The following SESTD1 variants were observed in gnomAD, a reference collection of about 807,000 sequenced individuals.
SESTD1 encodes the protein SEC14 and spectrin domain containing 1.
Under a neutral mutation model 101.7 loss-of-function variants are expected in SESTD1, and 43 were observed. That is an observed-to-expected ratio of 0.42 (90% CI 0.33 to 0.55). The LOEUF (loss-of-function observed/expected upper bound fraction) is 0.55. SESTD1 is among the 20% of genes least tolerant of loss of function. The pLI, the probability that SESTD1 is intolerant of heterozygous loss-of-function variation, is 0.07. For synonymous variants in SESTD1, 283 were observed against 286.8 expected, an observed-to-expected ratio of 0.99 and a Z score of 0.13; for missense variants, 647 against 815.1, an observed-to-expected ratio of 0.79 and a Z score of 2.51.
At chr2:179,163,083 A>G (rs1335247084) in intron 5 of SESTD1, among the ~76,000 whole-genome samples, 1 of 152,134 alleles carries the variant, frequency 6.6e-6, no homozygotes, top group Non-Finnish European at 1.5e-5. Context: ...CTCAAAGTTT[A>G]TAACTTATGG....
At chr2:179,187,286 G>A (rs141257581) in intron 2 of SESTD1, among the ~76,000 whole-genome samples, 200 of 152,178 alleles carry the variant, frequency 1.3e-3, no homozygotes, top group African/African-American at 4.6e-3. Flanking sequence ...AATGTAAAAG[G>A]TCTAACACCC....
At chr2:179,226,910 A>C (rs538299235) in intron 1 of SESTD1, among the ~76,000 whole-genome samples, 1 of 152,234 alleles carries the variant, frequency 6.6e-6, no homozygotes, top group Non-Finnish European at 1.5e-5. Flanking sequence ...AGCAGAATAC[A>C]GAGGAAGCAG....
intron 8 of SESTD1, 33 bp downstream of exon 8, chr2:179,146,369 G>A: frequency 6.5e-7 from 1 of 1,545,228 alleles, no homozygotes; most frequent in Non-Finnish European, 8.9e-7. Flanking sequence ...TTGGTTTACT[G>A]GATTATTATC....
intron 1 of SESTD1, among the ~76,000 whole-genome samples, chr2:179,200,973 G>C (rs1279382028): frequency 7.5e-6 from 1 of 134,164 alleles, no homozygotes; most frequent in Non-Finnish European, 1.6e-5. Flanking sequence ...ACTACCATCA[G>C]AGTGAACAGG....
In SESTD1 at chr2:179,150,112, C is replaced by T. The variant is rs530049736; in HGVS notation, c.484-718G>A. On this transcript the variant is annotated intron_variant, in intron 6 of 17. Coordinates refer to ENST00000428443, the MANE Select transcript of SESTD1 (RefSeq NM_178123.5). ...TGGTGGCATGCACTTGCAGTCCCAA[C>T]GACTTGAGAGGCTGAGGTGGAAGGA... 6.6e-5 allele frequency among the ~76,000 whole-genome samples: 10 copies of T among 152,134 alleles called. No individual in the cohort carries two copies. The East Asian group carries it at 1.4e-3, about 21-fold the overall frequency.
chr2:179,208,030 G>C (rs2046610599), intron 1 of SESTD1, among the ~76,000 whole-genome samples: 1 of 134,168 alleles, frequency 7.5e-6, no homozygotes, highest in Non-Finnish European at 1.6e-5. Flanking sequence ...ATAAAGAAAA[G>C]ACAATCACAA....
intron 1 of SESTD1, among the ~76,000 whole-genome samples, chr2:179,192,315 T>C (rs2046330860): frequency 6.6e-6 from 1 of 152,220 alleles, no homozygotes; most frequent in African/African-American, 2.4e-5. Flanking sequence ...CACAGCTTAA[T>C]GCCAAATATC....
At position 179,211,460 on chromosome 2, in the gene SESTD1, C is replaced by T. The variant is rs561324199; in HGVS notation, c.-25-19594G>A. Among the ~76,000 whole-genome samples, 2 of 134,444 alleles carry T rather than the reference C, an allele frequency of 1.5e-5. 1 individual carries two copies. The highest frequency in any genetic ancestry group is 5.9e-5 in the African/African-American group (2 of 33,954). 88.2% of individuals were successfully genotyped at this position (134,444 alleles called of 152,430 possible). A position where few individuals can be genotyped will look rare whatever the true frequency, so the allele number is the denominator to read the frequency against. On this transcript the variant is annotated intron_variant, in intron 1 of 17. Coordinates refer to ENST00000428443, the MANE Select transcript of SESTD1 (RefSeq NM_178123.5). The stretch of plus-strand genomic sequence containing the variant: ...AAACCGCAGGGAACTAGTATAAAAA[C>T]TGGCACACAGACCAGTGGAACAAAA...
At chr2:179,138,452 A>C in intron 9 of SESTD1, among the ~76,000 whole-genome samples, 1 of 152,126 alleles carries the variant, frequency 6.6e-6, no homozygotes. Context: ...ACTACCCCAA[A>C]ATACAGCTAC....
At position 179,104,378 on chromosome 2, in the gene SESTD1, T is replaced by A. The variant is rs1158592011; in HGVS notation, c.*5521A>T. On this transcript the variant is annotated 3_prime_UTR_variant, in exon 18 of 18. Coordinates refer to ENST00000428443, the MANE Select transcript of SESTD1 (RefSeq NM_178123.5). Reference sequence around the variant, plus strand: ...ACATAAGAGTTAAGATGAGAAAACATTCCTAAGAGAAAAATCAAACATACA... The same window carrying A: ...ACATAAGAGTTAAGATGAGAAAACAATCCTAAGAGAAAAATCAAACATACA... The A allele has an allele frequency of 1.3e-5, 2 of 152,130 alleles. No individual in the cohort carries two copies. The highest frequency in any genetic ancestry group is 2.9e-5 in the Non-Finnish European group (2 of 68,022). 9.4% of individuals were successfully genotyped at this position (152,130 alleles called of 1,614,324 possible).
Position 179,149,662 on chromosome 2 carries a change from CTT to C in SESTD1, c.484-270_484-269del, listed in dbSNP as rs1309746539. ...TCATTCTCCATTCAGATACGTGTTT[CTT>C]TGAGAAACATTTGCATCGATAACAG... On this transcript the variant is annotated intron_variant, in intron 6 of 17. Coordinates refer to ENST00000428443, the MANE Select transcript of SESTD1 (RefSeq NM_178123.5). Among the ~76,000 whole-genome samples, 5 of 152,228 alleles carry C rather than the reference CTT, an allele frequency of 3.3e-5. No individual in the cohort carries two copies. The East Asian group carries it at 9.6e-4, about 29-fold the overall frequency.
intron 1 of SESTD1, among the ~76,000 whole-genome samples, chr2:179,240,494 C>T (rs1439702054): frequency 6.6e-6 from 1 of 152,150 alleles, no homozygotes; most frequent in Non-Finnish European, 1.5e-5. Context: ...CTTGAGTTTT[C>T]TTTTTGCCTA....
intron 2 of SESTD1, among the ~76,000 whole-genome samples, chr2:179,187,664 A>G (rs548697477): frequency 1.2e-4 from 18 of 152,220 alleles, no homozygotes; most frequent in African/African-American, 4.3e-4. Context: ...AGACCCATCC[A>G]TCTTCTGTCT....
chr2:179,242,366 C>T (rs2047166496), intron 1 of SESTD1, among the ~76,000 whole-genome samples: 1 of 152,082 alleles, frequency 6.6e-6, no homozygotes, highest in Admixed American at 6.6e-5. Flanking sequence ...GAAGAATCAA[C>T]ATCATTAAAA....
chr2:179,154,422 G>T (rs2045588118), intron 5 of SESTD1, among the ~76,000 whole-genome samples: 1 of 152,086 alleles, frequency 6.6e-6, no homozygotes, highest in South Asian at 2.1e-4. Context: ...ATTATAAAAT[G>T]ATTCCAGCTA....
rs761206217 is a variant in SESTD1 at position 179,115,137 on chromosome 2, T to C, written c.1767A>G (p.Gln589=). 35 of 1,613,532 alleles carry C rather than the reference T, an allele frequency of 2.2e-5. No individual in the cohort carries two copies. Among genetic ancestry groups the C allele is most frequent in the Non-Finnish European group, 3.0e-5 (35 of 1,179,918 alleles). Residue 589 remains glutamine (Q), a synonymous_variant, in exon 16 of 18, where the codon CAA becomes CAG. Transcript: ENST00000428443. ...CTCTCTCTTCAGATGCTATTGTAAA[T>C]TGTTTCCATACTCTGTTCAGTCGAG... The part of the protein sequence containing the change: ...TLPRLNRVWK[Q]FTIASEERVH...
At chr2:179,198,526 C>T (rs1435538234) in intron 1 of SESTD1, among the ~76,000 whole-genome samples, 3 of 152,062 alleles carry the variant, frequency 2.0e-5, no homozygotes, top group Non-Finnish European at 4.4e-5. Context: ...CACACCACAC[C>T]TATTCCAAAA....
intron 10 of SESTD1, among the ~76,000 whole-genome samples, chr2:179,126,248 C>T (rs1234269841): frequency 6.6e-6 from 1 of 152,078 alleles, no homozygotes; most frequent in Non-Finnish European, 1.5e-5. Flanking sequence ...CCTTCTGAAA[C>T]CAATTGTCAA....
rs944618458 is a variant in SESTD1 at position 179,211,640 on chromosome 2, C to A, written c.-25-19774G>T. ...AACGTCACACACACATGCACACACACACACACAAACACATCATGGAATACT... is the reference window on the plus strand; with the variant it reads ...AACGTCACACACACATGCACACACAAACACACAAACACATCATGGAATACT... On this transcript the variant is annotated intron_variant, in intron 1 of 17. Transcript: ENST00000428443. 2.2e-5 allele frequency among the ~76,000 whole-genome samples: 3 copies of A among 134,542 alleles called. 1 individual carries two copies. Among genetic ancestry groups the A allele is most frequent in the South Asian group, 5.7e-4 (2 of 3,534 alleles). 88.3% of individuals were successfully genotyped at this position (134,542 alleles called of 152,430 possible).
Sources: gnomAD v4.1 joint callset for allele counts (sites outside exome capture counted in the v4.1 genomes callset) on GRCh38, gnomAD v4.1.1 for gene constraint, MANE v1.5 for transcripts, NCBI Gene and HGNC (gene_info 2026-07-23, HGNC 2026-07-21) for gene names.